The following MAGI2 variants were observed in gnomAD, a reference collection of about 807,000 sequenced individuals.
MAGI2 encodes membrane-associated guanylate kinase, WW and PDZ domain-containing protein 2.
MAGI2 carries 35 observed loss-of-function variants against 133.3 expected under a neutral mutation model. The ratio of observed to expected loss-of-function variants is 0.26; its 90% CI spans 0.20 to 0.35. The LOEUF is 0.35. Ranked by LOEUF, MAGI2 falls within the 10% of genes least tolerant of loss-of-function variation. MAGI2 has a pLI of 1.00. For synonymous variants in MAGI2, 729 were observed against 710.6 expected, an observed-to-expected ratio of 1.03 and a Z score of -0.41; for missense variants, 1,636 against 1,863.4, an observed-to-expected ratio of 0.88 and a Z score of 2.25.
chr7:78,871,496 A>G (rs1795027136), intron 2 of MAGI2, among the ~76,000 whole-genome samples: 1 of 152,186 alleles, frequency 6.6e-6, no homozygotes, highest in Non-Finnish European at 1.5e-5. Context: ...TTGAAATAAA[A>G]GTATTTACAT....
chr7:79,008,474 T>C (rs1463704067), intron 1 of MAGI2, among the ~76,000 whole-genome samples: 3 of 152,164 alleles, frequency 2.0e-5, no homozygotes, highest in Non-Finnish European at 4.4e-5. Context: ...CTGCAAGATA[T>C]CATTTTCAAC....
chr7:78,572,905 G>A lies in MAGI2; in HGVS notation c.539-51260C>T, dbSNP rs1052039055. On this transcript the variant is annotated intron_variant, in intron 3 of 21. Transcript: ENST00000354212. ...TCAAACTCTCGACCTCAGGTGATCCGCCTCACTCGGCCTCACGATTACAGG... is the reference window on the plus strand; with the variant it reads ...TCAAACTCTCGACCTCAGGTGATCCACCTCACTCGGCCTCACGATTACAGG... Among the ~76,000 whole-genome samples, 12 of 149,774 alleles carry A rather than the reference G, an allele frequency of 8.0e-5. No homozygotes were observed. In the East Asian group the frequency reaches 2.2e-3, roughly 27 times the overall value.
At chr7:78,662,360 T>C (rs1462470928) in intron 2 of MAGI2, among the ~76,000 whole-genome samples, 4 of 152,192 alleles carry the variant, frequency 2.6e-5, no homozygotes, top group Non-Finnish European at 4.4e-5. Flanking sequence ...TGTAGTATTT[T>C]CTTACTTCTA....
chr7:78,254,009 G>C (rs914676414), intron 10 of MAGI2: 1 of 152,146 alleles, frequency 6.6e-6, no homozygotes, highest in Non-Finnish European at 1.5e-5. Flanking sequence ...TTTTCGACTA[G>C]AAGTACTTTA....
At chr7:79,028,253 A>ATATGTATG (rs1810141857) in intron 1 of MAGI2, among the ~76,000 whole-genome samples, 1 of 23,658 alleles carries the variant, frequency 4.2e-5, no homozygotes, top group East Asian at 1.4e-3. Flanking sequence ...ATATATATAT[A>ATATGTATG]TATATATATA....
Position 78,571,505 on chromosome 7 carries a change from G to A in MAGI2, c.539-49860C>T, listed in dbSNP as rs549385273. On this transcript the variant is annotated intron_variant, in intron 3 of 21. Transcript: ENST00000354212. ...ATTTCAATGGGTTGTAGGCTACTGG[G>A]GAAAAGTGTTTATAGAACATCTTAT... 4.6e-5 allele frequency among the ~76,000 whole-genome samples: 7 copies of A among 152,210 alleles called. No individual in the cohort carries two copies. The South Asian group carries it at 1.2e-3, about 27-fold the overall frequency.
chr7:79,172,032 C>G (rs1032790696), intron 1 of MAGI2, among the ~76,000 whole-genome samples: 2 of 151,666 alleles, frequency 1.3e-5, no homozygotes, highest in African/African-American at 2.4e-5. Context: ...GTTTCTCCTT[C>G]TAAACCACCC....
intron 1 of MAGI2, among the ~76,000 whole-genome samples, chr7:79,224,479 G>A (rs767283291): frequency 2.0e-5 from 3 of 151,902 alleles, no homozygotes; most frequent in Non-Finnish European, 2.9e-5. Context: ...ATTTACCCAA[G>A]AGAAATAAAA....
intron 2 of MAGI2, among the ~76,000 whole-genome samples, chr7:78,694,011 T>G (rs1817240562): frequency 1.3e-5 from 2 of 152,090 alleles, no homozygotes; most frequent in Admixed American, 1.3e-4. Flanking sequence ...TGAAAAGAGC[T>G]TTGGAAACAG....
intron 19 of MAGI2, among the ~76,000 whole-genome samples, chr7:78,126,125 C>A (rs991505881): frequency 4.0e-5 from 6 of 151,850 alleles, no homozygotes; most frequent in Admixed American, 1.3e-4. Context: ...TACAGATAGG[C>A]CTGAGTGACA....
intron 9 of MAGI2, among the ~76,000 whole-genome samples, chr7:78,303,376 T>TC (rs1376784003): frequency 7.5e-4 from 29 of 38,712 alleles, no homozygotes; most frequent in Non-Finnish European, 1.4e-3. Flanking sequence ...CAAAACTGTC[T>TC]CCAAAAAAAA....
At chr7:78,227,307 A>G (rs1173709515) in intron 10 of MAGI2, among the ~76,000 whole-genome samples, 1 of 152,000 alleles carries the variant, frequency 6.6e-6, no homozygotes, top group Non-Finnish European at 1.5e-5. Flanking sequence ...GTAAGTCTGG[A>G]CTCTCTTGCT....
intron 1 of MAGI2, among the ~76,000 whole-genome samples, chr7:79,354,736 G>A (rs920286470): frequency 6.6e-6 from 1 of 152,146 alleles, no homozygotes; most frequent in African/African-American, 2.4e-5. Flanking sequence ...GCTCACCTCG[G>A]TGTGCCTCAC....
At chr7:78,541,665 C>T (rs62468609) in intron 3 of MAGI2, among the ~76,000 whole-genome samples, 10,225 of 152,264 alleles carry the variant, frequency 0.067, 438 homozygotes, top group Non-Finnish European at 0.1. Flanking sequence ...TCTCAGGCCC[C>T]ACTCTGCACT....
At chr7:79,171,758 A>T (rs1585111028) in intron 1 of MAGI2, among the ~76,000 whole-genome samples, 3 of 31,694 alleles carry the variant, frequency 9.5e-5, no homozygotes, top group Non-Finnish European at 3.0e-4. Flanking sequence ...ATATATATAT[A>T]TATATATATA....
chr7:78,092,806 A>G (rs567026148), intron 20 of MAGI2, among the ~76,000 whole-genome samples: 2 of 152,186 alleles, frequency 1.3e-5, no homozygotes, highest in Non-Finnish European at 2.9e-5. Context: ...TTTCAAAAGG[A>G]GACTTTCCCA....
At chr7:78,804,017 C>T (rs1283822404) in intron 2 of MAGI2, among the ~76,000 whole-genome samples, 1 of 152,208 alleles carries the variant, frequency 6.6e-6, no homozygotes, top group East Asian at 1.9e-4. Flanking sequence ...CTTGCATATG[C>T]TAAACTTGGG....
At chr7:78,629,211 C>T (rs921587354) in intron 2 of MAGI2, among the ~76,000 whole-genome samples, 3 of 152,156 alleles carry the variant, frequency 2.0e-5, no homozygotes, top group African/African-American at 4.8e-5. Context: ...GCACTTCAGA[C>T]CTCTGTGATT....
chr7:78,840,182 C>T (rs569211018), intron 2 of MAGI2, among the ~76,000 whole-genome samples: 1 of 152,108 alleles, frequency 6.6e-6, no homozygotes, highest in East Asian at 1.9e-4. Flanking sequence ...AATTACCAAA[C>T]ATAAATTAGT....
Sources: allele counts gnomAD v4.1 joint callset (sites outside exome capture counted in the v4.1 genomes callset), GRCh38; gene constraint gnomAD v4.1.1; transcripts MANE v1.5; gene names NCBI Gene and HGNC (gene_info 2026-07-23, HGNC 2026-07-21).